Variants in FAM174A observed in about 807,000 individuals in gnomAD.
The protein encoded by FAM174A is family with sequence similarity 174 member A, also known as membrane protein FAM174A.
Under a neutral mutation model 14.3 loss-of-function variants are expected in FAM174A, and 14 were observed. The observed-to-expected ratio is 0.98, with a 90% CI of 0.65 to 1.53. The LOEUF (loss-of-function observed/expected upper bound fraction) is 1.53, where lower values mean the gene tolerates loss of function less well. FAM174A is among the 40% of genes most tolerant of loss of function. FAM174A has a pLI of 0.00. For missense variants in FAM174A, 241 were observed against 249.6 expected, an observed-to-expected ratio of 0.97 and a Z score of 0.23; for synonymous variants, 108 against 111.4, an observed-to-expected ratio of 0.97 and a Z score of 0.19.
At chr5:100,566,051 C>A (rs1210042060) in intron 2 of FAM174A, among the ~76,000 whole-genome samples, 3 of 148,000 alleles carry the variant, frequency 2.0e-5, no homozygotes, top group Non-Finnish European at 4.5e-5. Context: ...TTCCATGATA[C>A]CTGAGGATTA....
Position 100,546,923 on chromosome 5 carries a change from C to T in FAM174A, c.434+10959C>T, listed in dbSNP as rs990196853. On this transcript the variant is annotated intron_variant, in intron 1 of 2. Coordinates refer to ENST00000312637, the MANE Select transcript of FAM174A (RefSeq NM_198507.3). ...TTTGTTTTCTTGTGATCTACTATGA[C>T]TTGTCATTCTCTTTATTCTATATAA... Among the ~76,000 whole-genome samples the T allele has an allele frequency of 3.3e-5, 5 of 152,186 alleles. No individual in the cohort carries two copies. The Middle Eastern group carries it at 0.01, about 311-fold the overall frequency.
chr5:100,550,676 A>G (rs1049076211), intron 1 of FAM174A, among the ~76,000 whole-genome samples: 1 of 152,172 alleles, frequency 6.6e-6, no homozygotes, highest in Non-Finnish European at 1.5e-5. Flanking sequence ...TTTAAAGGAC[A>G]TGTATATAGT....
chr5:100,568,022 A>G (rs1746700755), intron 2 of FAM174A, among the ~76,000 whole-genome samples: 1 of 152,002 alleles, frequency 6.6e-6, no homozygotes, highest in Admixed American at 6.6e-5. Flanking sequence ...AATCTTCGTT[A>G]TGAAAGTTAG....
rs149968446 is a variant in FAM174A at position 100,575,784 on chromosome 5, A to T, written c.570-10397A>T. On this transcript the variant is annotated intron_variant, in intron 2 of 2. Transcript: ENST00000312637. ...GGGAGAAAATTTTTGCAATCTACTC[A>T]TCTGACAAAAGGCTAATATCTAGAA... Among the ~76,000 whole-genome samples, 1,436 of 152,320 alleles carry T rather than the reference A, an allele frequency of 9.4e-3. 15 individuals are homozygous for T. The highest frequency in any genetic ancestry group is 0.033 in the African/African-American group (1,361 of 41,566).
chr5:100,583,152 T>C (rs1747054167), intron 2 of FAM174A, among the ~76,000 whole-genome samples: 1 of 152,088 alleles, frequency 6.6e-6, no homozygotes, highest in Non-Finnish European at 1.5e-5. Context: ...GTAGATCTCA[T>C]AAAGGTCTTC....
At chr5:100,564,450 C>T (rs1000681196) in intron 2 of FAM174A, among the ~76,000 whole-genome samples, 1 of 151,660 alleles carries the variant, frequency 6.6e-6, no homozygotes, top group African/African-American at 2.4e-5. Context: ...AAATAAACAA[C>T]CTAGCTTTAC....
intron 2 of FAM174A, among the ~76,000 whole-genome samples, chr5:100,580,508 A>C (rs1746990173): frequency 6.6e-6 from 1 of 152,236 alleles, no homozygotes; most frequent in Non-Finnish European, 1.5e-5. Flanking sequence ...GGAAGCATCC[A>C]GCACAGGAGA....
chr5:100,548,691 G>C (rs1474111743), intron 1 of FAM174A, among the ~76,000 whole-genome samples: 1 of 152,014 alleles, frequency 6.6e-6, no homozygotes, highest in Non-Finnish European at 1.5e-5. Context: ...ATGAAATGAA[G>C]GTACTTAAGC....
chr5:100,553,396 C>T (rs933648964), intron 1 of FAM174A, among the ~76,000 whole-genome samples: 2 of 151,966 alleles, frequency 1.3e-5, no homozygotes, highest in African/African-American at 4.8e-5. Flanking sequence ...TGAATCACCC[C>T]ATATAGTAAT....
intron 1 of FAM174A, among the ~76,000 whole-genome samples, chr5:100,552,153 A>G (rs1048077953): frequency 1.3e-5 from 2 of 152,176 alleles, no homozygotes; most frequent in Non-Finnish European, 2.9e-5. Context: ...ACTATGTGTC[A>G]TATATTCAAT....
chr5:100,535,828 G>T lies in FAM174A; in HGVS notation c.298G>T (p.Ala100Ser). The T allele has an allele frequency of 6.2e-7, 1 of 1,611,348 alleles. No homozygotes were observed. Residue 100 changes from alanine to serine, a missense_variant, in exon 1 of 3, where the codon GCC becomes TCC. Transcript: ENST00000312637. ...TGAGACGGACGATCACGGAGGGAAGGCCGGGGAAGGCTCGGTGGGTGGCGG... is the reference window on the plus strand; with the variant it reads ...TGAGACGGACGATCACGGAGGGAAGTCCGGGGAAGGCTCGGTGGGTGGCGG... The part of the protein sequence containing the change: ...GLETDDHGGK[A>S]GEGSVGGGLA...
At chr5:100,578,663 T>A (rs893656746) in intron 2 of FAM174A, among the ~76,000 whole-genome samples, 12 of 152,228 alleles carry the variant, frequency 7.9e-5, no homozygotes, top group African/African-American at 2.7e-4. Context: ...ATTTTTTCTC[T>A]ATTTTTTTGA....
At position 100,535,612 on chromosome 5, in the gene FAM174A, G is replaced by C. The variant is rs200774589; in HGVS notation, c.82G>C (p.Gly28Arg). Residue 28 changes from glycine (G) to arginine (R), a missense_variant, in exon 1 of 3, where the codon GGG becomes CGG. Coordinates refer to ENST00000312637, the MANE Select transcript of FAM174A (RefSeq NM_198507.3). ...LLLLLLPELS[G>R]PLAVLLQAAE... ...CCTGCTGTTGCTGCCTGAACTAAGCGGGCCCCTGGCAGTCCTGCTGCAGGC... is the reference window on the plus strand; with the variant it reads ...CCTGCTGTTGCTGCCTGAACTAAGCCGGCCCCTGGCAGTCCTGCTGCAGGC... 3 of 1,613,274 alleles carry C rather than the reference G, an allele frequency of 1.9e-6. No homozygotes were observed. Among genetic ancestry groups the C allele is most frequent in the East Asian group, 2.2e-5 (1 of 44,874 alleles).
chr5:100,544,889 T>C (rs945498885), intron 1 of FAM174A, among the ~76,000 whole-genome samples: 1 of 152,174 alleles, frequency 6.6e-6, no homozygotes, highest in Non-Finnish European at 1.5e-5. Context: ...GAAAACAAAA[T>C]CAATAGCATT....
In FAM174A at chr5:100,573,138, G is replaced by C. The variant is rs575658535; in HGVS notation, c.569+10950G>C. Among the ~76,000 whole-genome samples the C allele has an allele frequency of 3.4e-3, 514 of 152,244 alleles. 2 individuals carry two copies. Among genetic ancestry groups the C allele is most frequent in the Middle Eastern group, 0.017 (5 of 294 alleles). ...TGTAAATTTGTTTGAGTTCATTGTA[G>C]ATTCTGGATATTAGCCCTTTGTCAG... On this transcript the variant is annotated intron_variant, in intron 2 of 2. Transcript: ENST00000312637.
At chr5:100,564,179 C>T (rs990063363) in intron 2 of FAM174A, among the ~76,000 whole-genome samples, 1 of 151,852 alleles carries the variant, frequency 6.6e-6, no homozygotes, top group Non-Finnish European at 1.5e-5. Flanking sequence ...GTCTGCAGAA[C>T]CACGAGCCAA....
intron 2 of FAM174A, among the ~76,000 whole-genome samples, chr5:100,570,627 C>G (rs1295154072): frequency 6.6e-6 from 1 of 151,858 alleles, no homozygotes; most frequent in Non-Finnish European, 1.5e-5. Context: ...CTCTTAGATC[C>G]TTTAAATCTG....
At chr5:100,580,066 G>T (rs574336395) in intron 2 of FAM174A, among the ~76,000 whole-genome samples, 1 of 152,026 alleles carries the variant, frequency 6.6e-6, no homozygotes, top group African/African-American at 2.4e-5. Flanking sequence ...CTTTTTGAAG[G>T]TATTTTAAAC....
At chr5:100,550,532 T>C (rs1351413346) in intron 1 of FAM174A, among the ~76,000 whole-genome samples, 2 of 152,202 alleles carry the variant, frequency 1.3e-5, no homozygotes, top group Non-Finnish European at 2.9e-5. Flanking sequence ...ATCAACTTTA[T>C]GACAGAAGTT....
Sources: gnomAD v4.1 joint callset for allele counts (sites outside exome capture counted in the v4.1 genomes callset) on GRCh38, gnomAD v4.1.1 for gene constraint, MANE v1.5 for transcripts, NCBI Gene and HGNC (gene_info 2026-07-23, HGNC 2026-07-21) for gene names.